Variants in KLHL1 observed in about 807,000 individuals in gnomAD.
The protein encoded by KLHL1 is kelch like family member 1, also known as kelch-like protein 1.
Under a neutral mutation model 77.7 loss-of-function variants are expected in KLHL1, and 47 were observed. That is an observed-to-expected ratio of 0.60 (90% confidence interval 0.48 to 0.77). KLHL1 has a LOEUF of 0.77. Ranked by LOEUF, KLHL1 falls within the 30% of genes least tolerant of loss-of-function variation. KLHL1 has a pLI of 0.00. For missense variants in KLHL1, 925 were observed against 910.8 expected, an observed-to-expected ratio of 1.02 and a Z score of -0.20; for synonymous variants, 360 against 325.2, an observed-to-expected ratio of 1.11 and a Z score of -1.15.
In KLHL1 at chr13:69,779,858, T is replaced by G. The variant is rs186394450; in HGVS notation, c.1639+16880A>C. Among the ~76,000 whole-genome samples the G allele has an allele frequency of 1.7e-4, 26 of 152,282 alleles. 1 individual carries two copies. The highest frequency in any genetic ancestry group is 6.0e-4 in the African/African-American group (25 of 41,566). On this transcript the variant is annotated intron_variant, in intron 7 of 10. Transcript: ENST00000377844. ...GACGGAGTCTTGCTGTTGCCCAGGC[T>G]GGAGTGCAATGGTGCGATCTCGGCT...
chr13:70,061,092 G>A (rs1379158755), intron 1 of KLHL1, among the ~76,000 whole-genome samples: 1 of 152,094 alleles, frequency 6.6e-6, no homozygotes, highest in Non-Finnish European at 1.5e-5. Context: ...GTCACTGGGG[G>A]AGGGAGAAGT....
At chr13:69,772,284 T>C (rs1469649572) in intron 7 of KLHL1, among the ~76,000 whole-genome samples, 2 of 151,984 alleles carry the variant, frequency 1.3e-5, no homozygotes, top group African/African-American at 4.8e-5. Flanking sequence ...ATAAATATAG[T>C]ATTTTCTCTT....
chr13:69,914,002 C>T (rs899231051), intron 4 of KLHL1, among the ~76,000 whole-genome samples: 10 of 152,214 alleles, frequency 6.6e-5, no homozygotes, highest in Admixed American at 5.2e-4. Context: ...GGAAGAAGAA[C>T]GTGGAAAGAC....
At chr13:69,998,205 T>C (rs74092320) in intron 1 of KLHL1, among the ~76,000 whole-genome samples, 32,040 of 152,026 alleles carry the variant, frequency 0.21, 3,542 homozygotes, top group Admixed American at 0.25. Flanking sequence ...GCCTCTGCTT[T>C]AGGTCTGAGA....
intron 5 of KLHL1, among the ~76,000 whole-genome samples, chr13:69,839,869 T>C (rs115724464): frequency 0.012 from 1,862 of 152,134 alleles, 42 homozygotes; most frequent in African/African-American, 0.042. Context: ...ACATCCAAAG[T>C]ATCTTTTATT....
chr13:69,848,252 A>T (rs1056657032), intron 5 of KLHL1, among the ~76,000 whole-genome samples: 1 of 151,494 alleles, frequency 6.6e-6, no homozygotes, highest in African/African-American at 2.4e-5. Flanking sequence ...GAAACTTGGC[A>T]GTATGAGACA....
chr13:69,984,818 T>G (rs1884816901), intron 1 of KLHL1, among the ~76,000 whole-genome samples: 1 of 152,048 alleles, frequency 6.6e-6, no homozygotes, highest in Non-Finnish European at 1.5e-5. Context: ...ACCTAAAAAC[T>G]TCTGTGCAGG....
intron 4 of KLHL1, among the ~76,000 whole-genome samples, chr13:69,896,727 G>A (rs1481702561): frequency 1.6e-4 from 24 of 151,022 alleles, no homozygotes; most frequent in Admixed American, 1.6e-3. Context: ...GGAGGGCAGT[G>A]GTGCAATCTC....
At chr13:69,785,202 A>AT (rs894063977) in intron 7 of KLHL1, among the ~76,000 whole-genome samples, 1 of 151,924 alleles carries the variant, frequency 6.6e-6, no homozygotes, top group African/African-American at 2.4e-5. Context: ...CAGAATATAC[A>AT]TTTTTTTCAG....
chr13:69,707,932 C>A (rs190242348), intron 9 of KLHL1, 136 bp from the exon 10 acceptor site: 472 of 618,892 alleles, frequency 7.6e-4, no homozygotes, highest in Non-Finnish European at 1.2e-3. Flanking sequence ...ATCATTTGAG[C>A]AGGTATTCTA....
intron 6 of KLHL1, among the ~76,000 whole-genome samples, chr13:69,819,058 A>T (rs1235027243): frequency 6.6e-6 from 1 of 152,318 alleles, no homozygotes; most frequent in Middle Eastern, 3.4e-3. Flanking sequence ...TGCAAAAATT[A>T]TCCAGTTACA....
intron 1 of KLHL1, among the ~76,000 whole-genome samples, chr13:70,075,658 CCTATGTGTGTGTGTATATATATAT>C (rs1593723528): frequency 1.7e-5 from 2 of 119,738 alleles, no homozygotes; most frequent in East Asian, 4.7e-4. Flanking sequence ...TATATATATA[CCTATGTGTGTGTGTATATATATAT>C]ACACACACGT....
chr13:70,036,058 T>A (rs1210309779), intron 1 of KLHL1, among the ~76,000 whole-genome samples: 1 of 151,962 alleles, frequency 6.6e-6, no homozygotes, highest in East Asian at 1.9e-4. Context: ...ATCTTACATT[T>A]GAGGAAATAA....
chr13:70,000,955 A>G (rs1885273523), intron 1 of KLHL1, among the ~76,000 whole-genome samples: 1 of 151,538 alleles, frequency 6.6e-6, no homozygotes, highest in Admixed American at 6.6e-5. Flanking sequence ...AGATGCCAGA[A>G]TATTAATAAG....
intron 9 of KLHL1, among the ~76,000 whole-genome samples, chr13:69,716,347 T>C (rs548110559): frequency 6.7e-6 from 1 of 150,288 alleles, no homozygotes; most frequent in East Asian, 1.9e-4. Context: ...AGCACAAGAA[T>C]ATAGAGATGG....
chr13:69,798,933 A>T (rs538028090), intron 6 of KLHL1, among the ~76,000 whole-genome samples: 45 of 152,016 alleles, frequency 3.0e-4, no homozygotes, highest in African/African-American at 9.9e-4. Context: ...ATAATAATAA[A>T]AATAAAATAG....
At chr13:69,910,526 C>T (rs9529654) in intron 4 of KLHL1, among the ~76,000 whole-genome samples, 87,181 of 151,302 alleles carry the variant, frequency 0.58, 25,082 homozygotes, top group South Asian at 0.66. Context: ...TTTCGGGTAT[C>T]GGATGGCTGT....
intron 4 of KLHL1, among the ~76,000 whole-genome samples, chr13:69,897,688 A>G (rs1881697627): frequency 6.6e-6 from 1 of 152,110 alleles, no homozygotes; most frequent in Non-Finnish European, 1.5e-5. Context: ...TACCCTCACC[A>G]TCCTCAGTTG....
In KLHL1 at chr13:70,024,943, T is replaced by TAACCCTTTATA. The variant is rs1885904540; in HGVS notation, c.498-49152_498-49142dup. On this transcript the variant is annotated intron_variant, in intron 1 of 10. Transcript: ENST00000377844. Reference sequence around the variant, plus strand: ...GGACAATCCCAGGAATAATAATAGCTAACCCTTTATAAGCTCCTAATATGT... The same window carrying TAACCCTTTATA: ...GGACAATCCCAGGAATAATAATAGCTAACCCTTTATAAACCCTTTATAAGCTCCTAATATGT... 2.0e-5 allele frequency among the ~76,000 whole-genome samples: 3 copies of TAACCCTTTATA among 151,966 alleles called. No individual in the cohort carries two copies. The South Asian group carries it at 6.2e-4, about 31-fold the overall frequency.
Sources: gnomAD v4.1 joint callset for allele counts (sites outside exome capture counted in the v4.1 genomes callset) on GRCh38, gnomAD v4.1.1 for gene constraint, MANE v1.5 for transcripts, NCBI Gene and HGNC (gene_info 2026-07-23, HGNC 2026-07-21) for gene names.